GOT2: variants seen among roughly 807,000 people sequenced by gnomAD.
GOT2 encodes aspartate aminotransferase, mitochondrial.
GOT2 carries 17 observed loss-of-function variants against 50.0 expected under a neutral mutation model. The ratio of observed to expected loss-of-function variants is 0.34; its 90% CI spans 0.23 to 0.51. The LOEUF (loss-of-function observed/expected upper bound fraction) is 0.51, where lower values mean the gene tolerates loss of function less well. GOT2 is among the 20% of genes least tolerant of loss of function. The pLI is 0.97. For synonymous variants in GOT2, 172 were observed against 204.9 expected (o/e 0.84, Z 1.37); for missense variants, 430 against 559.6 (o/e 0.77, Z 2.34).
At chr16:58,723,967 T>C (rs2044762049) in intron 1 of GOT2, 65 bp from the exon 2 acceptor site, 3 of 1,429,004 alleles carry the variant, frequency 2.1e-6, no homozygotes, top group Middle Eastern at 1.8e-4. Context: ...TACTTATTTA[T>C]TTATGAGATA....
At chr16:58,730,396 T>TG (rs2044825306) in intron 1 of GOT2, among the ~76,000 whole-genome samples, 1 of 151,612 alleles carries the variant, frequency 6.6e-6, no homozygotes. Flanking sequence ...ATACAATTTT[T>TG]TTTTTTGAGA....
chr16:58,709,358 C>T (rs1257979749), intron 9 of GOT2, 59 bp downstream of exon 9: 1 of 1,310,098 alleles, frequency 7.6e-7, no homozygotes, highest in Admixed American at 2.3e-5. Flanking sequence ...AAAAAGTAAT[C>T]CTTCGGGTTT....
intron 8 of GOT2, among the ~76,000 whole-genome samples, chr16:58,712,152 C>T (rs2152093763): frequency 6.6e-6 from 1 of 152,172 alleles, no homozygotes; most frequent in East Asian, 1.9e-4. Flanking sequence ...TACATCTTCT[C>T]TAACTCCCCA....
At position 58,709,278 on chromosome 16, in the gene GOT2, AAAAACAAAAC is replaced by A. The variant is rs142747599; in HGVS notation, c.1170+129_1170+138del. 5.9e-4 allele frequency: 388 copies of A among 661,942 alleles called. 2 individuals are homozygous for A. The highest frequency in any genetic ancestry group is 7.5e-4 in the African/African-American group (40 of 53,270). The allele number at this position is 661,942 out of a possible 1,614,324, so 41.0% of individuals were successfully genotyped here. ...ACTGTCTCAAAACAAAAACAAAAAC[AAAAACAAAAC>A]AAAACAAAACAAAACAAAACAAAAA... On this transcript the variant is annotated intron_variant, in intron 9 of 9. Coordinates refer to ENST00000245206, the MANE Select transcript of GOT2 (RefSeq NM_002080.4).
intron 4 of GOT2, 36 bp downstream of exon 4, chr16:58,719,160 T>C: frequency 6.8e-7 from 1 of 1,478,252 alleles, no homozygotes; most frequent in Middle Eastern, 1.7e-4. Flanking sequence ...TCATCTGGAA[T>C]TTATAATTCT....
In GOT2 at chr16:58,723,890, G is replaced by C; in HGVS notation, c.102C>G (p.Thr34=). ...GATCTGGAGGTCCCATTTCCACATG[G>C]GTCCACCAGGAGCTGAAATGAGAAA... ...AASARASSWW[T]HVEMGPPDPI... The change falls in exon 2 of 10, where the codon ACC becomes ACG. Residue 34 remains threonine (T), a synonymous_variant. Coordinates refer to ENST00000245206, the MANE Select transcript of GOT2 (RefSeq NM_002080.4). 1 of 1,613,258 alleles carries C rather than the reference G, an allele frequency of 6.2e-7. No individual in the cohort carries two copies. Among genetic ancestry groups the C allele is most frequent in the Non-Finnish European group, 8.5e-7 (1 of 1,179,540 alleles).
chr16:58,730,539 G>A (rs948247323), intron 1 of GOT2, among the ~76,000 whole-genome samples: 1 of 151,956 alleles, frequency 6.6e-6, no homozygotes, highest in African/African-American at 2.4e-5. Flanking sequence ...TGCCTGGCTA[G>A]TTTTTTGTAG....
intron 2 of GOT2, among the ~76,000 whole-genome samples, chr16:58,723,231 A>G (rs576741122): frequency 6.6e-6 from 1 of 152,372 alleles, no homozygotes; most frequent in Non-Finnish European, 1.5e-5. Flanking sequence ...GGGATTTGTT[A>G]TATTATTTAG....
At chr16:58,725,075 T>C (rs2044772393) in intron 1 of GOT2, among the ~76,000 whole-genome samples, 1 of 151,856 alleles carries the variant, frequency 6.6e-6, no homozygotes, top group South Asian at 2.1e-4. Flanking sequence ...ACAGTAATTG[T>C]ATTTTGTAAT....
intron 6 of GOT2, 42 bp downstream of exon 6, chr16:58,718,154 T>C (rs545985769): frequency 7.3e-7 from 1 of 1,364,216 alleles, no homozygotes; most frequent in Non-Finnish European, 1.0e-6. Flanking sequence ...CAAAGCTGGT[T>C]ACTAAACACA....
In GOT2 at chr16:58,734,278, A is replaced by G; in HGVS notation, c.-50T>C. On this transcript the variant is annotated 5_prime_UTR_variant, in exon 1 of 10. Transcript: ENST00000245206. ...CAGCCGCAGGACGGAGCAGAGGGCG[A>G]GCGGACACACACACAGGGAACCGGC... 4 of 1,019,070 alleles carry G rather than the reference A, an allele frequency of 3.9e-6. No homozygotes were observed. The highest frequency in any genetic ancestry group is 5.2e-6 in the Non-Finnish European group (4 of 773,848). The allele number at this position is 1,019,070 out of a possible 1,614,324, so 63.1% of individuals were successfully genotyped here.
chr16:58,725,163 G>T, intron 1 of GOT2, among the ~76,000 whole-genome samples: 1 of 150,368 alleles, frequency 6.7e-6, no homozygotes, highest in African/African-American at 2.5e-5. Flanking sequence ...CACCCAGGCT[G>T]GAGTGTAGTG....
In GOT2 at chr16:58,715,930, A is replaced by C. The variant is rs2044688332; in HGVS notation, c.1019+84T>G. On this transcript the variant is annotated intron_variant, in intron 8 of 9. Coordinates refer to ENST00000245206, the MANE Select transcript of GOT2 (RefSeq NM_002080.4). ...ATATGGAATCTATGGGGTACTGTAT[A>C]TCACTAGAGGTCAATTAAAAACTAA... 3 of 1,051,368 alleles carry C rather than the reference A, an allele frequency of 2.9e-6. No individual in the cohort carries two copies. The South Asian group carries it at 4.7e-5, about 16-fold the overall frequency. 65.1% of individuals were successfully genotyped at this position (1,051,368 alleles called of 1,614,324 possible).
Position 58,722,186 on chromosome 16 carries a change from G to A in GOT2, c.339C>T (p.Ala113=). The A allele has an allele frequency of 6.2e-7, 1 of 1,612,274 alleles. No homozygotes were observed. Among genetic ancestry groups the A allele is most frequent in the East Asian group, 2.2e-5 (1 of 44,876 alleles). Residue 113 remains alanine, a synonymous_variant, in exon 3 of 10, where the codon GCC becomes GCT. Coordinates refer to ENST00000245206, the MANE Select transcript of GOT2 (RefSeq NM_002080.4). Reference sequence around the variant, plus strand: ...TCAAGACTTCGCTGTTCTCACCCAGGGCTAGTTCTGCAGATGCCTTGCAAA... The same window carrying A: ...TCAAGACTTCGCTGTTCTCACCCAGAGCTAGTTCTGCAGATGCCTTGCAAA... ...AEFCKASAEL[A]LGENSEVLKS...
Position 58,718,702 on chromosome 16 carries a change from C to A in GOT2, c.436-14G>T, listed in dbSNP as rs370473537. Reference sequence around the variant, plus strand: ...AAAAAATCTTTGCTAAAAGATGGGACGAAAGGAAACAGAAAAATGAACAAA... The same window carrying A: ...AAAAAATCTTTGCTAAAAGATGGGAAGAAAGGAAACAGAAAAATGAACAAA... On this transcript the variant is annotated splice_polypyrimidine_tract_variant and intron_variant, in intron 4 of 9. Transcript: ENST00000245206. The A allele has an allele frequency of 4.6e-6, 7 of 1,536,546 alleles. No homozygotes were observed. The African/African-American group carries it at 5.6e-5, about 12-fold the overall frequency.
chr16:58,714,894 C>T (rs1399264950), intron 8 of GOT2, among the ~76,000 whole-genome samples: 1 of 151,986 alleles, frequency 6.6e-6, no homozygotes, highest in African/African-American at 2.4e-5. Context: ...CCAGGCTTGT[C>T]TCAAACGATC....
chr16:58,710,463 C>A (rs889766247), intron 8 of GOT2, among the ~76,000 whole-genome samples: 1 of 149,642 alleles, frequency 6.7e-6, no homozygotes, highest in East Asian at 2.0e-4. Context: ...AACTCCTGGG[C>A]TCAAGTGATT....
Position 58,716,158 on chromosome 16 carries a change from G to A in GOT2, c.875C>T (p.Thr292Ile). 1 of 1,613,738 alleles carries A rather than the reference G, an allele frequency of 6.2e-7. No homozygotes were observed. The highest frequency in any genetic ancestry group is 2.2e-5 in the East Asian group (1 of 44,866). The part of the protein sequence containing the change: ...GLYGERVGAF[T>I]MVCKDADEAK... ...TTCATCCGCATCTTTGCAGACCATAGTGAAGGCTCCTACACGCTCACCTGA... is the reference window on the plus strand; with the variant it reads ...TTCATCCGCATCTTTGCAGACCATAATGAAGGCTCCTACACGCTCACCTGA... The change falls in exon 8 of 10, where the codon ACT (threonine) becomes ATT (isoleucine). Residue 292 changes from threonine to isoleucine, a missense_variant. Thr to Ile is a moderately conservative substitution (Grantham distance 89, BLOSUM62 -1). Coordinates refer to ENST00000245206, the MANE Select transcript of GOT2 (RefSeq NM_002080.4).
At chr16:58,711,360 T>A (rs1262972426) in intron 8 of GOT2, among the ~76,000 whole-genome samples, 1 of 152,190 alleles carries the variant, frequency 6.6e-6, no homozygotes, top group South Asian at 2.1e-4. Flanking sequence ...TGATTCTGAA[T>A]ACAACCTTCC....
Sources: allele counts gnomAD v4.1 joint callset (sites outside exome capture counted in the v4.1 genomes callset), GRCh38; gene constraint gnomAD v4.1.1; transcripts MANE v1.5; gene names NCBI Gene and HGNC (gene_info 2026-07-23, HGNC 2026-07-21).